MAF: variants seen among roughly 807,000 people sequenced by gnomAD.
MAF encodes the protein transcription factor Maf.
MAF carries 10 observed loss-of-function variants against 22.0 expected under a neutral mutation model. That is an observed-to-expected ratio of 0.45 (90% confidence interval 0.28 to 0.77). The LOEUF (loss-of-function observed/expected upper bound fraction) is 0.77. MAF is among the 30% of genes least tolerant of loss of function. The pLI, the probability that MAF is intolerant of heterozygous loss-of-function variation, is 0.12. For synonymous variants in MAF, 337 were observed against 255.8 expected, an observed-to-expected ratio of 1.32 and a Z score of -3.03; for missense variants, 544 against 548.4, an observed-to-expected ratio of 0.99 and a Z score of 0.08.
At chr16:79,384,510 C>T in the MAF span, among the ~76,000 whole-genome samples, 1 of 149,402 alleles carries the variant, frequency 6.7e-6, no homozygotes, top group South Asian at 2.1e-4. Context: ...GTAATCCCAG[C>T]ACTTTGGGAG....
the MAF span, among the ~76,000 whole-genome samples, chr16:79,435,871 G>A: frequency 2.0e-5 from 3 of 152,208 alleles, no homozygotes; most frequent in African/African-American, 2.4e-5. Flanking sequence ...AGAGGAGTCT[G>A]CTAAAGCATG....
the MAF span, among the ~76,000 whole-genome samples, chr16:79,207,943 C>T: frequency 6.6e-6 from 1 of 152,140 alleles, no homozygotes; most frequent in Non-Finnish European, 1.5e-5. Context: ...TTAACATTTT[C>T]ATCCCAACAC....
At chr16:79,430,595 A>G in the MAF span, among the ~76,000 whole-genome samples, 2 of 152,174 alleles carry the variant, frequency 1.3e-5, no homozygotes, top group South Asian at 4.2e-4. Flanking sequence ...CATTTGCAGG[A>G]AATGTCTGCT....
downstream of MAF, among the ~76,000 whole-genome samples, chr16:79,589,536 T>C (rs1047760445): frequency 2.0e-5 from 3 of 152,080 alleles, no homozygotes; most frequent in East Asian, 3.9e-4. Context: ...GGAAAACTAA[T>C]AGAAGAAAAA....
the MAF span, among the ~76,000 whole-genome samples, chr16:79,278,876 G>A: frequency 4.6e-5 from 7 of 152,212 alleles, no homozygotes; most frequent in East Asian, 1.9e-4. Context: ...TACTGAACAC[G>A]TCTATTAATG....
the MAF span, among the ~76,000 whole-genome samples, chr16:79,329,509 C>G: frequency 6.6e-6 from 1 of 152,058 alleles, no homozygotes; most frequent in Non-Finnish European, 1.5e-5. Flanking sequence ...TTGTAATCTG[C>G]TTTCCAAAAT....
the MAF span, among the ~76,000 whole-genome samples, chr16:79,454,634 G>T: frequency 6.6e-6 from 1 of 152,110 alleles, no homozygotes; most frequent in African/African-American, 2.4e-5. Context: ...AGTCAAGCTT[G>T]GGAATAAATT....
the MAF span, among the ~76,000 whole-genome samples, chr16:79,577,873 C>T: frequency 6.6e-6 from 1 of 152,112 alleles, no homozygotes; most frequent in African/African-American, 2.4e-5. Flanking sequence ...AAACTTCCAT[C>T]GACCCCTTTT....
chr16:79,509,515 C>T, the MAF span, among the ~76,000 whole-genome samples: 10 of 151,614 alleles, frequency 6.6e-5, no homozygotes, highest in South Asian at 2.1e-3. Context: ...CGAGGCCCTG[C>T]TGGGGCTCTG....
the MAF span, among the ~76,000 whole-genome samples, chr16:79,548,217 A>C: frequency 5.3e-5 from 8 of 152,108 alleles, no homozygotes; most frequent in Non-Finnish European, 8.8e-5. Flanking sequence ...GTCTTTTCAG[A>C]TCTATTTCTA....
the MAF span, among the ~76,000 whole-genome samples, chr16:79,277,060 T>C: frequency 6.6e-6 from 1 of 152,206 alleles, no homozygotes; most frequent in Middle Eastern, 3.4e-3. Context: ...GTTTTTTGAG[T>C]CCGGTCTCAC....
At chr16:79,263,556 T>C in the MAF span, among the ~76,000 whole-genome samples, 2 of 152,254 alleles carry the variant, frequency 1.3e-5, no homozygotes, top group Non-Finnish European at 1.5e-5. Context: ...TTTCCCCTTG[T>C]GGGGCCCAGG....
At chr16:79,219,993 AT>A in the MAF span, among the ~76,000 whole-genome samples, 1 of 152,164 alleles carries the variant, frequency 6.6e-6, no homozygotes, top group Middle Eastern at 3.2e-3. Flanking sequence ...TGCTGTTTTT[AT>A]TAAAAAATTA....
chr16:79,545,628 T>A, the MAF span, among the ~76,000 whole-genome samples: 1 of 152,202 alleles, frequency 6.6e-6, no homozygotes, highest in Admixed American at 6.5e-5. Context: ...AGAGGCATCT[T>A]ATTTTTTGGT....
At chr16:79,525,252 T>C in the MAF span, among the ~76,000 whole-genome samples, 2 of 152,180 alleles carry the variant, frequency 1.3e-5, no homozygotes, top group East Asian at 3.9e-4. Context: ...GCACAGCTTC[T>C]CTGCCTCCCC....
chr16:79,413,705 G>A, the MAF span, among the ~76,000 whole-genome samples: 6 of 152,120 alleles, frequency 3.9e-5, no homozygotes, highest in East Asian at 1.2e-3. Flanking sequence ...GTGGGATCAG[G>A]TGCCTGAAAC....
chr16:79,409,432 G>T, the MAF span, among the ~76,000 whole-genome samples: 3 of 152,172 alleles, frequency 2.0e-5, no homozygotes, highest in African/African-American at 7.2e-5. Flanking sequence ...TTCTGAGCCT[G>T]CCAGGTGTTT....
At chr16:79,397,184 T>C in the MAF span, among the ~76,000 whole-genome samples, 123 of 152,340 alleles carry the variant, frequency 8.1e-4, no homozygotes, top group African/African-American at 2.9e-3. Context: ...TAATCATTGC[T>C]TTGGTTTGAA....
chr16:79,342,321 G>T, the MAF span, among the ~76,000 whole-genome samples: 2 of 152,164 alleles, frequency 1.3e-5, no homozygotes. Context: ...AGCGTCTTTG[G>T]GGTTCACATC....
Sources: gnomAD v4.1 joint callset for allele counts (sites outside exome capture counted in the v4.1 genomes callset) on GRCh38, gnomAD v4.1.1 for gene constraint, MANE v1.5 for transcripts, NCBI Gene and HGNC (gene_info 2026-07-23, HGNC 2026-07-21) for gene names.